NFIB: variants seen among roughly 807,000 people sequenced by gnomAD.
NFIB encodes the protein nuclear factor 1 B-type.
In NFIB, 11 loss-of-function variants were observed where a neutral mutation model predicts 61.5. The observed-to-expected ratio is 0.18, with a 90% CI of 0.11 to 0.30. NFIB has a LOEUF of 0.30. NFIB is among the 10% of genes least tolerant of loss of function. NFIB has a pLI of 1.00. For missense variants in NFIB, 471 were observed against 608.9 expected, an observed-to-expected ratio of 0.77 and a Z score of 2.38; for synonymous variants, 260 against 216.5, an observed-to-expected ratio of 1.20 and a Z score of -1.76.
At chr9:14,263,942 C>A (rs778194218) in intron 2 of NFIB, among the ~76,000 whole-genome samples, 6 of 152,162 alleles carry the variant, frequency 3.9e-5, no homozygotes, top group Non-Finnish European at 8.8e-5. Context: ...AAAAAAGCAA[C>A]CCTGAAAAAG....
intron 3 of NFIB, among the ~76,000 whole-genome samples, chr9:14,158,731 T>G (rs962571191): frequency 6.6e-6 from 1 of 152,244 alleles, no homozygotes; most frequent in African/African-American, 2.4e-5. Flanking sequence ...TCCCTAGAAC[T>G]TGTTTGCTGA....
the NFIB span, among the ~76,000 whole-genome samples, chr9:14,425,801 C>T: frequency 1.3e-5 from 2 of 151,936 alleles, no homozygotes; most frequent in Admixed American, 1.3e-4. Flanking sequence ...TCTCCCAACA[C>T]ATAGAGTAGC....
intron 1 of NFIB, among the ~76,000 whole-genome samples, chr9:14,390,635 C>T (rs990859181): frequency 1.3e-5 from 2 of 152,170 alleles, no homozygotes; most frequent in Admixed American, 1.3e-4. Flanking sequence ...GGAGGTGAAG[C>T]TTTTGGAAGG....
At chr9:14,409,992 C>G in the NFIB span, among the ~76,000 whole-genome samples, 5 of 152,138 alleles carry the variant, frequency 3.3e-5, no homozygotes, top group African/African-American at 1.2e-4. Flanking sequence ...TTTAGTACTA[C>G]TAGCCTTTTC....
chr9:14,447,949 G>T, the NFIB span, among the ~76,000 whole-genome samples: 1 of 152,092 alleles, frequency 6.6e-6, no homozygotes. Context: ...GGCTGATCAA[G>T]GTACCTACCC....
chr9:14,391,780 G>A (rs1004378371), intron 1 of NFIB, among the ~76,000 whole-genome samples: 2 of 152,134 alleles, frequency 1.3e-5, no homozygotes, highest in South Asian at 2.1e-4. Flanking sequence ...CAAGTCCAGG[G>A]CTGAACAGGA....
chr9:14,519,224 C>G, the NFIB span, among the ~76,000 whole-genome samples: 1 of 152,130 alleles, frequency 6.6e-6, no homozygotes, highest in African/African-American at 2.4e-5. Flanking sequence ...TTCAACAAGT[C>G]TGATGGTATC....
upstream of NFIB, among the ~76,000 whole-genome samples, chr9:14,399,639 T>A (rs2061722858): frequency 6.6e-6 from 1 of 152,322 alleles, no homozygotes; most frequent in East Asian, 1.9e-4. Flanking sequence ...TTAGATTTGA[T>A]TTTAAAATTC....
In NFIB at chr9:14,321,167, T is replaced by C. The variant is rs143244776; in HGVS notation, c.109-13647A>G. Among the ~76,000 whole-genome samples, 921 of 152,226 alleles carry C rather than the reference T, an allele frequency of 6.1e-3. 12 individuals are homozygous for C. Among genetic ancestry groups the C allele is most frequent in the African/African-American group, 0.021 (879 of 41,518 alleles). ...CAACCACAACTTAATGGATGGGATA[T>C]TGTGCATTAAAATGTGTCTCAGACG... On this transcript the variant is annotated intron_variant, in intron 1 of 8. Transcript: ENST00000380934.
At chr9:14,459,907 T>C in the NFIB span, among the ~76,000 whole-genome samples, 3 of 151,564 alleles carry the variant, frequency 2.0e-5, no homozygotes, top group Non-Finnish European at 4.4e-5. Context: ...GGAACACTTT[T>C]ACACTGTTGG....
At chr9:14,407,144 G>A in the NFIB span, among the ~76,000 whole-genome samples, 4 of 151,728 alleles carry the variant, frequency 2.6e-5, no homozygotes, top group African/African-American at 7.3e-5. Context: ...TTTCTTGCTC[G>A]CAACTAAAAA....
At chr9:14,442,236 T>C in the NFIB span, among the ~76,000 whole-genome samples, 2 of 152,140 alleles carry the variant, frequency 1.3e-5, no homozygotes, top group Admixed American at 6.5e-5. Flanking sequence ...GCCCCATGTG[T>C]GAAATTTTCT....
chr9:14,465,966 G>A, the NFIB span, among the ~76,000 whole-genome samples: 6 of 152,172 alleles, frequency 3.9e-5, no homozygotes, highest in African/African-American at 1.4e-4. Flanking sequence ...GCTCATGGAG[G>A]TCGTAGGCCC....
At chr9:14,462,635 A>C in the NFIB span, among the ~76,000 whole-genome samples, 1 of 152,172 alleles carries the variant, frequency 6.6e-6, no homozygotes, top group Non-Finnish European at 1.5e-5. Context: ...GTGAGTAACC[A>C]GTAAGAGAAA....
intron 5 of NFIB, among the ~76,000 whole-genome samples, chr9:14,149,629 A>T (rs964444518): frequency 1.3e-5 from 2 of 152,198 alleles, no homozygotes; most frequent in Non-Finnish European, 2.9e-5. Flanking sequence ...TAGTATTTTC[A>T]TTGGTAACAG....
chr9:14,375,097 A>G (rs1047817487), intron 1 of NFIB, among the ~76,000 whole-genome samples: 11 of 152,326 alleles, frequency 7.2e-5, no homozygotes, highest in African/African-American at 2.6e-4. Context: ...TGGCAGTAAC[A>G]GAGACCAGAC....
the NFIB span, among the ~76,000 whole-genome samples, chr9:14,484,591 T>G: frequency 6.6e-6 from 1 of 152,334 alleles, no homozygotes; most frequent in South Asian, 2.1e-4. Context: ...TAGGTATGTG[T>G]GAATTCAGGT....
At chr9:14,456,303 C>T in the NFIB span, among the ~76,000 whole-genome samples, 2 of 151,512 alleles carry the variant, frequency 1.3e-5, no homozygotes, top group East Asian at 1.9e-4. Flanking sequence ...AGCTATGACA[C>T]AGAATCCAAA....
At chr9:14,502,813 A>C in the NFIB span, among the ~76,000 whole-genome samples, 2 of 152,032 alleles carry the variant, frequency 1.3e-5, no homozygotes, top group African/African-American at 4.8e-5. Context: ...GTAATTTCTG[A>C]GATTTTGGTA....
Sources: gnomAD v4.1 joint callset for allele counts (sites outside exome capture counted in the v4.1 genomes callset) on GRCh38, gnomAD v4.1.1 for gene constraint, MANE v1.5 for transcripts, NCBI Gene and HGNC (gene_info 2026-07-23, HGNC 2026-07-21) for gene names.